The following MEGF11 variants were observed in gnomAD, a reference collection of about 807,000 sequenced individuals.
The protein encoded by MEGF11 is multiple epidermal growth factor-like domains protein 11.
Under a neutral mutation model 146.6 loss-of-function variants are expected in MEGF11, and 126 were observed. The observed-to-expected ratio is 0.86, with a 90% CI of 0.74 to 1.00. MEGF11 has a LOEUF of 1.00. Ranked by LOEUF, MEGF11 falls within the 50% of genes least tolerant of loss-of-function variation. The pLI is 0.00. For missense variants in MEGF11, 1,509 were observed against 1,521.2 expected (o/e 0.99, Z 0.13); for synonymous variants, 532 against 583.4 (o/e 0.91, Z 1.27).
chr15:66,139,027 C>T (rs1466918299), intron 1 of MEGF11, among the ~76,000 whole-genome samples: 1 of 152,176 alleles, frequency 6.6e-6, no homozygotes, highest in Non-Finnish European at 1.5e-5. Flanking sequence ...AGTAAGTTTG[C>T]AATTTGGCCC....
chr15:66,194,884 C>T (rs12904629), intron 1 of MEGF11, among the ~76,000 whole-genome samples: 67,568 of 151,948 alleles, frequency 0.44, 15,377 homozygotes, highest in East Asian at 0.61. Context: ...AAACATAATG[C>T]AAAGACAAGT....
At chr15:65,904,178 G>A (rs748685716) in intron 24 of MEGF11, among the ~76,000 whole-genome samples, 5 of 152,176 alleles carry the variant, frequency 3.3e-5, no homozygotes, top group Non-Finnish European at 7.4e-5. Context: ...TGGGGTTTCT[G>A]GTCCTGAGTT....
chr15:65,972,110 G>A (rs181620173), intron 7 of MEGF11, among the ~76,000 whole-genome samples: 1 of 152,226 alleles, frequency 6.6e-6, no homozygotes, highest in African/African-American at 2.4e-5. Context: ...GTATACCAGA[G>A]AGAGAGAGAC....
chr15:66,113,539 G>A (rs572058334), intron 4 of MEGF11, among the ~76,000 whole-genome samples: 4 of 152,276 alleles, frequency 2.6e-5, no homozygotes, highest in South Asian at 2.1e-4. Flanking sequence ...GCTGCCGCCC[G>A]CAGCAGAAGC....
chr15:66,087,005 A>ACTG (rs2140605242), intron 5 of MEGF11, among the ~76,000 whole-genome samples: 1 of 152,386 alleles, frequency 6.6e-6, no homozygotes, highest in South Asian at 2.1e-4. Context: ...GGACACCAAA[A>ACTG]GCGAGCAGGG....
intron 1 of MEGF11, among the ~76,000 whole-genome samples, chr15:66,210,847 G>C (rs930087583): frequency 2.0e-5 from 3 of 152,210 alleles, no homozygotes; most frequent in African/African-American, 7.2e-5. Context: ...TCCCAGCAAT[G>C]AATATCGCCA....
chr15:66,193,491 G>A (rs186091432), intron 1 of MEGF11, among the ~76,000 whole-genome samples: 1 of 152,246 alleles, frequency 6.6e-6, no homozygotes, highest in Admixed American at 6.5e-5. Context: ...AGAATAATTA[G>A]ATAAGTATAT....
At chr15:66,001,903 C>T (rs1302998951) in intron 5 of MEGF11, among the ~76,000 whole-genome samples, 2 of 152,158 alleles carry the variant, frequency 1.3e-5, no homozygotes, top group African/African-American at 4.8e-5. Context: ...GGTGCACAAT[C>T]AAAAGGCCTT....
intron 5 of MEGF11, among the ~76,000 whole-genome samples, chr15:66,051,570 C>A (rs982102824): frequency 2.6e-5 from 4 of 152,214 alleles, no homozygotes. Flanking sequence ...GCCCATTCCA[C>A]CAGATGAGAG....
At chr15:65,981,519 G>A (rs1250249765) in intron 6 of MEGF11, among the ~76,000 whole-genome samples, 1 of 152,088 alleles carries the variant, frequency 6.6e-6, no homozygotes, top group African/African-American at 2.4e-5. Context: ...AGACATCGGG[G>A]TAGGGAACAC....
intron 1 of MEGF11, among the ~76,000 whole-genome samples, chr15:66,194,235 C>T (rs2090952081): frequency 6.6e-6 from 1 of 152,132 alleles, no homozygotes; most frequent in African/African-American, 2.4e-5. Flanking sequence ...CTAAGGGAAG[C>T]AACTCAGGAA....
intron 1 of MEGF11, among the ~76,000 whole-genome samples, chr15:66,144,119 A>G (rs928848752): frequency 2.0e-5 from 3 of 152,192 alleles, no homozygotes; most frequent in Admixed American, 1.3e-4. Flanking sequence ...ACACACGGAC[A>G]CTAAGCCACT....
intron 10 of MEGF11, among the ~76,000 whole-genome samples, chr15:65,940,214 C>T (rs554922208): frequency 3.3e-5 from 5 of 152,330 alleles, no homozygotes; most frequent in Admixed American, 3.3e-4. Context: ...CCAGCCATTC[C>T]TGGAGTTCCG....
intron 5 of MEGF11, among the ~76,000 whole-genome samples, chr15:66,027,734 A>G (rs2083385373): frequency 6.6e-6 from 1 of 152,136 alleles, no homozygotes; most frequent in Non-Finnish European, 1.5e-5. Flanking sequence ...AGTGGTTCTG[A>G]TGCATGATCA....
chr15:65,978,622 C>A (rs1227121934), intron 7 of MEGF11, among the ~76,000 whole-genome samples: 1 of 152,224 alleles, frequency 6.6e-6, no homozygotes, highest in African/African-American at 2.4e-5. Flanking sequence ...CTTGTTCTCC[C>A]CACCACATCC....
intron 5 of MEGF11, among the ~76,000 whole-genome samples, chr15:66,053,245 T>G (rs1161983925): frequency 2.0e-5 from 3 of 152,232 alleles, no homozygotes; most frequent in African/African-American, 7.2e-5. Context: ...CCTTTGTGTT[T>G]TCCACAATGC....
chr15:66,055,231 G>T (rs746680315), intron 5 of MEGF11, among the ~76,000 whole-genome samples: 15 of 152,128 alleles, frequency 9.9e-5, no homozygotes, highest in Non-Finnish European at 2.2e-4. Flanking sequence ...ATTATTTTAC[G>T]AGATGTAATG....
chr15:65,990,716 A>AAAAG (rs1555459248), intron 5 of MEGF11, among the ~76,000 whole-genome samples: 10 of 11,760 alleles, frequency 8.5e-4, no homozygotes, highest in African/African-American at 1.0e-3. Flanking sequence ...AGGAAGGAAG[A>AAAAG]AAGAAAGAAA....
chr15:65,931,090 G>A (rs1040646169), intron 10 of MEGF11, 147 bp from the exon 11 acceptor site: 16 of 1,006,542 alleles, frequency 1.6e-5, no homozygotes, highest in East Asian at 3.0e-5. Flanking sequence ...TGGCAAAAAG[G>A]GACTTTGCAG....
Sources: allele counts gnomAD v4.1 joint callset (sites outside exome capture counted in the v4.1 genomes callset), GRCh38; gene constraint gnomAD v4.1.1; transcripts MANE v1.5; gene names NCBI Gene and HGNC (gene_info 2026-07-23, HGNC 2026-07-21).